Variants in STX18 observed in about 807,000 individuals in gnomAD.
The protein encoded by STX18 is syntaxin-18.
In STX18, 40 loss-of-function variants were observed where a neutral mutation model predicts 50.1. The ratio of observed to expected loss-of-function variants is 0.80; its 90% CI spans 0.62 to 1.04. The LOEUF is 1.04. Among genes scored for constraint, STX18 ranks in the 50% least tolerant of loss-of-function variants. The pLI is 0.00. For synonymous variants in STX18, 158 were observed against 151.8 expected, an observed-to-expected ratio of 1.04 and a Z score of -0.30; for missense variants, 410 against 415.8, an observed-to-expected ratio of 0.99 and a Z score of 0.12.
In STX18 at chr4:4,459,480, T is replaced by C. The variant is rs149431016; in HGVS notation, c.244A>G (p.Met82Val). 609 of 1,611,374 alleles carry C rather than the reference T, an allele frequency of 3.8e-4. No individual in the cohort carries two copies. The highest frequency in any genetic ancestry group is 4.4e-4 in the Non-Finnish European group (521 of 1,177,586). ...TCTGTCATCCTCCCATATTCAGACATGGTATGGCTAAAAAAAGACAGCAAA... is the reference window on the plus strand; with the variant it reads ...TCTGTCATCCTCCCATATTCAGACACGGTATGGCTAAAAAAAGACAGCAAA... ...KDYINAYSHT[M>V]SEYGRMTDTE... The change falls in exon 3 of 11, where the codon ATG becomes GTG. Residue 82 changes from methionine (M) to valine (V), a missense_variant. Met to Val is a conservative substitution (Grantham distance 21, BLOSUM62 1). Transcript: ENST00000306200.
chr4:4,469,021 T>C (rs951329466), intron 2 of STX18, among the ~76,000 whole-genome samples: 2 of 152,162 alleles, frequency 1.3e-5, no homozygotes, highest in East Asian at 1.9e-4. Context: ...TAAAAGAAGG[T>C]AGACACACCA....
At chr4:4,462,241 C>T (rs1253317680) in intron 2 of STX18, among the ~76,000 whole-genome samples, 5 of 152,186 alleles carry the variant, frequency 3.3e-5, no homozygotes, top group African/African-American at 1.2e-4. Context: ...ACCCTCCAAC[C>T]CCCTGCAACT....
intron 7 of STX18, among the ~76,000 whole-genome samples, chr4:4,429,112 A>T (rs1395522475): frequency 6.6e-6 from 1 of 152,176 alleles, no homozygotes; most frequent in African/African-American, 2.4e-5. Context: ...CTTGGGACCT[A>T]TGTGACCTAG....
chr4:4,473,345 T>C (rs1728018394), intron 1 of STX18, among the ~76,000 whole-genome samples: 1 of 147,530 alleles, frequency 6.8e-6, no homozygotes, highest in South Asian at 2.2e-4. Context: ...AGGGCTGGAG[T>C]GCAGTGGTGC....
chr4:4,446,073 A>T (rs1370372055), intron 5 of STX18, among the ~76,000 whole-genome samples: 2 of 152,206 alleles, frequency 1.3e-5, no homozygotes, highest in Non-Finnish European at 2.9e-5. Flanking sequence ...CAATTCAATG[A>T]GAAAAAGAAA....
chr4:4,462,605 T>C (rs1039332682), intron 2 of STX18, among the ~76,000 whole-genome samples: 18 of 151,838 alleles, frequency 1.2e-4, no homozygotes, highest in African/African-American at 1.9e-4. Flanking sequence ...CATATGCCTA[T>C]AGTCCCAACT....
intron 1 of STX18, among the ~76,000 whole-genome samples, chr4:4,480,751 C>G (rs1394641084): frequency 6.6e-6 from 1 of 152,146 alleles, no homozygotes. Flanking sequence ...TTCCCATTAT[C>G]CACTAGATGG....
At chr4:4,530,231 A>G (rs1731033020) in intron 1 of STX18, among the ~76,000 whole-genome samples, 3 of 152,152 alleles carry the variant, frequency 2.0e-5, no homozygotes, top group African/African-American at 7.2e-5. Context: ...CCCAAGTCCC[A>G]TCACTCAGAA....
chr4:4,505,793 A>G (rs887070426), intron 1 of STX18, among the ~76,000 whole-genome samples: 1 of 152,100 alleles, frequency 6.6e-6, no homozygotes, highest in African/African-American at 2.4e-5. Flanking sequence ...CAAAAAACAA[A>G]AACAAAAACG....
At chr4:4,488,025 TG>T (rs1452081692) in intron 1 of STX18, among the ~76,000 whole-genome samples, 1 of 152,136 alleles carries the variant, frequency 6.6e-6, no homozygotes, top group Admixed American at 6.6e-5. Context: ...TGTTAAAAGT[TG>T]TTTTTTTTTT....
intron 9 of STX18, among the ~76,000 whole-genome samples, chr4:4,422,365 G>C (rs537337572): frequency 6.6e-6 from 1 of 152,122 alleles, no homozygotes; most frequent in South Asian, 2.1e-4. Context: ...TCAGGAGTTC[G>C]GGACCAGCCT....
At chr4:4,464,323 A>G (rs1190737354) in intron 2 of STX18, among the ~76,000 whole-genome samples, 1 of 152,248 alleles carries the variant, frequency 6.6e-6, no homozygotes, top group African/African-American at 2.4e-5. Context: ...AAAGCGTTTT[A>G]GAAGTGTTGC....
intron 1 of STX18, among the ~76,000 whole-genome samples, chr4:4,515,886 A>G (rs1730241910): frequency 6.6e-6 from 1 of 152,174 alleles, no homozygotes; most frequent in Non-Finnish European, 1.5e-5. Context: ...TTTGCAGGCA[A>G]GAGTAAGTAT....
rs776857072 is a variant in STX18, at chr4:4,541,805, G to T, written c.160C>A (p.Arg54Ser). 2.5e-6 allele frequency: 4 copies of T among 1,608,122 alleles called. No homozygotes were observed. The highest frequency in any genetic ancestry group is 3.3e-4 in the Middle Eastern group (2 of 6,038). ...CATAGCAACCAGCTCACCACTTCGC[G>T]GGCCCGGCTGGAGAAGTCGCCCTTG... ...RPKGDFSSRA[R>S]EVISHIGKLR... Residue 54 changes from arginine (R) to serine (S), a missense_variant, in exon 1 of 11, where the codon CGC (arginine) becomes AGC (serine). By Grantham distance (110) the Arg-to-Ser change is moderately radical (BLOSUM62 -1). Transcript: ENST00000306200.
At chr4:4,460,621 G>A (rs1727329857) in intron 2 of STX18, among the ~76,000 whole-genome samples, 1 of 152,110 alleles carries the variant, frequency 6.6e-6, no homozygotes, top group Non-Finnish European at 1.5e-5. Flanking sequence ...ATTTTCTAAG[G>A]AAGAGTTGGA....
chr4:4,421,742 G>GAAAT (rs1724978053), intron 9 of STX18, among the ~76,000 whole-genome samples: 1 of 152,114 alleles, frequency 6.6e-6, no homozygotes, highest in African/African-American at 2.4e-5. Context: ...TATGTGCTTC[G>GAAAT]AAATACATAT....
intron 1 of STX18, among the ~76,000 whole-genome samples, chr4:4,518,618 T>TA (rs534633212): frequency 1.3e-5 from 2 of 152,098 alleles, no homozygotes; most frequent in Non-Finnish European, 2.9e-5. Flanking sequence ...ATAAGGGTTT[T>TA]TAAAAAAAAG....
At chr4:4,455,745 C>A (rs556562120) in intron 5 of STX18, among the ~76,000 whole-genome samples, 1 of 152,226 alleles carries the variant, frequency 6.6e-6, no homozygotes, top group Non-Finnish European at 1.5e-5. Context: ...CCCTGGTAGA[C>A]AACACTTCAC....
chr4:4,438,341 C>T (rs1222031108), intron 6 of STX18, 53 bp downstream of exon 6: 1 of 1,389,944 alleles, frequency 7.2e-7, no homozygotes, highest in Non-Finnish European at 1.0e-6. Context: ...TGTACTCTTG[C>T]CAACATGTCA....
Sources: gnomAD v4.1 joint callset for allele counts (sites outside exome capture counted in the v4.1 genomes callset) on GRCh38, gnomAD v4.1.1 for gene constraint, MANE v1.5 for transcripts, NCBI Gene and HGNC (gene_info 2026-07-23, HGNC 2026-07-21) for gene names.